The following GRID2 variants were observed in gnomAD, a reference collection of about 807,000 sequenced individuals.
GRID2 encodes the protein glutamate receptor ionotropic, delta-2.
In GRID2, 33 loss-of-function variants were observed where a neutral mutation model predicts 114.8. The ratio of observed to expected loss-of-function variants is 0.29; its 90% CI spans 0.22 to 0.38. GRID2 has a LOEUF of 0.38. Ranked by LOEUF, GRID2 falls within the 10% of genes least tolerant of loss-of-function variation. The probability of loss-of-function intolerance (pLI) is 1.00; values close to 1 mark genes in which losing one functional copy is unlikely to be tolerated. For synonymous variants in GRID2, 505 were observed against 449.9 expected (o/e 1.12, Z -1.55); for missense variants, 1,184 against 1,257.7 (o/e 0.94, Z 0.89).
intron 4 of GRID2, among the ~76,000 whole-genome samples, chr4:93,138,487 C>T (rs1037733022): frequency 1.3e-5 from 2 of 152,114 alleles, no homozygotes; most frequent in African/African-American, 4.8e-5. Context: ...ATATTTAATA[C>T]ATGAATTTGC....
At position 93,145,687 on chromosome 4, in the gene GRID2, C is replaced by T. The variant is rs71599271; in HGVS notation, c.735+34734C>T. Among the ~76,000 whole-genome samples, 12 of 95,230 alleles carry T rather than the reference C, an allele frequency of 1.3e-4. No individual in the cohort carries two copies. The East Asian group carries it at 2.2e-3, about 17-fold the overall frequency. 62.5% of individuals were successfully genotyped at this position (95,230 alleles called of 152,430 possible). On this transcript the variant is annotated intron_variant, in intron 4 of 15. Coordinates refer to ENST00000282020, the MANE Select transcript of GRID2 (RefSeq NM_001510.4). ...TTTTTTTTTTTTTTAGTAGAGATGG[C>T]GTTTCACCATGTTGGCCAGGCTTGT...
intron 1 of GRID2, among the ~76,000 whole-genome samples, chr4:92,379,914 C>T (rs536920339): frequency 6.6e-6 from 1 of 152,048 alleles, no homozygotes; most frequent in South Asian, 2.1e-4. Flanking sequence ...TGTGGTATAG[C>T]TGTAGAGGTG....
At chr4:93,589,239 C>T (rs1277303393) in intron 13 of GRID2, among the ~76,000 whole-genome samples, 29 of 137,016 alleles carry the variant, frequency 2.1e-4, no homozygotes, top group Admixed American at 1.3e-3. Context: ...GTGTGATGTT[C>T]CCTTTCCTGT....
intron 1 of GRID2, among the ~76,000 whole-genome samples, chr4:92,401,143 T>C (rs1006985180): frequency 2.0e-5 from 3 of 152,258 alleles, no homozygotes; most frequent in African/African-American, 7.2e-5. Context: ...TGTTGTTATA[T>C]ATAAGAAACA....
intron 2 of GRID2, among the ~76,000 whole-genome samples, chr4:92,688,723 G>A (rs1734040961): frequency 6.6e-6 from 1 of 151,964 alleles, no homozygotes. Flanking sequence ...TCATCCATGT[G>A]GATTGGAATA....
intron 13 of GRID2, among the ~76,000 whole-genome samples, chr4:93,592,881 C>T (rs959480952): frequency 1.1e-4 from 17 of 151,850 alleles, no homozygotes; most frequent in African/African-American, 3.9e-4. Flanking sequence ...GATTGCAACC[C>T]CTGCCTTTTT....
chr4:93,189,938 T>C (rs923801053), intron 4 of GRID2, among the ~76,000 whole-genome samples: 1 of 152,186 alleles, frequency 6.6e-6, no homozygotes, highest in Non-Finnish European at 1.5e-5. Context: ...GGTAACTTTT[T>C]CCCTTTGAAC....
At chr4:92,375,936 T>TA (rs1052663447) in intron 1 of GRID2, among the ~76,000 whole-genome samples, 4 of 147,244 alleles carry the variant, frequency 2.7e-5, no homozygotes, top group Non-Finnish European at 4.4e-5. Flanking sequence ...CTTACTGATA[T>TA]TTTTTTGAAA....
intron 4 of GRID2, among the ~76,000 whole-genome samples, chr4:93,155,206 A>C (rs1737067897): frequency 6.6e-6 from 1 of 151,862 alleles, no homozygotes; most frequent in Admixed American, 6.6e-5. Flanking sequence ...GTTATTCACC[A>C]AGTTTTCTTA....
intron 2 of GRID2, among the ~76,000 whole-genome samples, chr4:92,624,180 T>C (rs1419032278): frequency 1.3e-5 from 2 of 151,900 alleles, no homozygotes; most frequent in Non-Finnish European, 2.9e-5. Flanking sequence ...CTTACAGTCC[T>C]ATGACGTAGT....
At chr4:92,411,245 C>G (rs1300690324) in intron 1 of GRID2, among the ~76,000 whole-genome samples, 1 of 152,042 alleles carries the variant, frequency 6.6e-6, no homozygotes, top group East Asian at 1.9e-4. Flanking sequence ...CCTTACTTCT[C>G]CTCAAATTAT....
intron 3 of GRID2, among the ~76,000 whole-genome samples, chr4:93,107,830 G>T (rs571607348): frequency 1.1e-4 from 17 of 152,202 alleles, no homozygotes; most frequent in African/African-American, 3.9e-4. Context: ...GTCACTTCCA[G>T]ACTTAAACTG....
chr4:92,937,065 A>G (rs999990331), intron 2 of GRID2, among the ~76,000 whole-genome samples: 1 of 146,382 alleles, frequency 6.8e-6, no homozygotes, highest in African/African-American at 2.4e-5. Context: ...AAAGTTCTTT[A>G]TACTTTCTGC....
intron 9 of GRID2, among the ~76,000 whole-genome samples, chr4:93,404,202 G>T (rs1242327587): frequency 6.6e-6 from 1 of 152,102 alleles, no homozygotes; most frequent in East Asian, 1.9e-4. Flanking sequence ...GGGGCAAAAA[G>T]TAATTCGTGA....
chr4:92,641,612 G>T (rs1338811583), intron 2 of GRID2, among the ~76,000 whole-genome samples: 1 of 151,774 alleles, frequency 6.6e-6, no homozygotes, highest in African/African-American at 2.4e-5. Context: ...TGTACAACAT[G>T]ATGACGTAAC....
intron 13 of GRID2, among the ~76,000 whole-genome samples, chr4:93,586,196 T>C (rs992195852): frequency 6.6e-6 from 1 of 152,096 alleles, no homozygotes; most frequent in Non-Finnish European, 1.5e-5. Flanking sequence ...ACCTGGCATT[T>C]CTGCAGATGT....
chr4:92,380,471 C>A (rs769264894), intron 1 of GRID2, among the ~76,000 whole-genome samples: 1 of 151,890 alleles, frequency 6.6e-6, no homozygotes, highest in Non-Finnish European at 1.5e-5. Context: ...TACAAAATTT[C>A]TTTCCTCCCC....
At chr4:93,755,165 G>C (rs12642295) in intron 14 of GRID2, among the ~76,000 whole-genome samples, 1 of 151,936 alleles carries the variant, frequency 6.6e-6, no homozygotes. Context: ...ACATAGAAAG[G>C]TAGGCTATTC....
At chr4:93,550,425 G>T (rs1174223709) in intron 13 of GRID2, among the ~76,000 whole-genome samples, 1 of 152,128 alleles carries the variant, frequency 6.6e-6, no homozygotes, top group Non-Finnish European at 1.5e-5. Context: ...CCAATGCTTG[G>T]CTATTACAGA....
Sources: allele counts gnomAD v4.1 joint callset (sites outside exome capture counted in the v4.1 genomes callset), GRCh38; gene constraint gnomAD v4.1.1; transcripts MANE v1.5; gene names NCBI Gene and HGNC (gene_info 2026-07-23, HGNC 2026-07-21).